Variants in USH2A observed in about 807,000 individuals in gnomAD.
The protein encoded by USH2A is Usher syndrome 2A (autosomal recessive, mild).
In USH2A, 443 loss-of-function variants were observed where a neutral mutation model predicts 538.9. The ratio of observed to expected loss-of-function variants is 0.82; its 90% CI spans 0.76 to 0.89. USH2A has a LOEUF of 0.89. Ranked by LOEUF, USH2A falls within the 40% of genes least tolerant of loss-of-function variation. USH2A has a pLI of 0.00. For synonymous variants in USH2A, 2,413 were observed against 2,273.5 expected (o/e 1.06, Z -1.75); for missense variants, 6,633 against 6,324.8 (o/e 1.05, Z -1.65).
chr1:216,401,246 T>C lies in USH2A; in HGVS notation c.651+17268A>G, dbSNP rs1337320711. Among the ~76,000 whole-genome samples the C allele has an allele frequency of 2.0e-5, 3 of 152,228 alleles. 1 individual carries two copies. Among genetic ancestry groups the C allele is most frequent in the South Asian group, 4.1e-4 (2 of 4,830 alleles). On this transcript the variant is annotated intron_variant, in intron 3 of 71. Coordinates refer to ENST00000307340, the MANE Select transcript of USH2A (RefSeq NM_206933.4). ...CATGTCAGTAGATAAGTGACTTACA[T>C]ATACTTTAATACCTAGAGCCACTAA...
At chr1:216,139,853 T>C (rs962133184) in intron 21 of USH2A, among the ~76,000 whole-genome samples, 1 of 152,206 alleles carries the variant, frequency 6.6e-6, no homozygotes, top group African/African-American at 2.4e-5. Flanking sequence ...ATATTTGTAT[T>C]GCCTCCATCT....
chr1:216,360,847 A>G (rs1217502137), intron 4 of USH2A, among the ~76,000 whole-genome samples: 2 of 152,140 alleles, frequency 1.3e-5, no homozygotes, highest in Admixed American at 6.6e-5. Flanking sequence ...GATACTTGAT[A>G]TTGTTCAGAT....
chr1:215,732,559 T>C (rs1660031405), intron 60 of USH2A, among the ~76,000 whole-genome samples: 1 of 130,872 alleles, frequency 7.6e-6, no homozygotes, highest in African/African-American at 2.9e-5. Flanking sequence ...TTTTTTTTTT[T>C]TTTTTTTTTT....
Position 215,798,915 on chromosome 1 carries a change from C to A in USH2A, c.9950G>T (p.Arg3317Leu). 6.2e-7 allele frequency: 1 copy of A among 1,614,014 alleles called. No homozygotes were observed. The highest frequency in any genetic ancestry group is 1.1e-5 in the South Asian group (1 of 91,074). The change falls in exon 50 of 72, where the codon CGC (arginine) becomes CTC (leucine). Residue 3317 changes from arginine to leucine, a missense_variant. Coordinates refer to ENST00000307340, the MANE Select transcript of USH2A (RefSeq NM_206933.4). ...CGGEEGVVYN[R>L]LPGMFCCGQD... ...AGACCTGGGCCCCTTACCTGGAAGG[C>A]GATTGTACACCACTCCTTCTTCTCC...
At chr1:216,367,983 G>C (rs1156458093) in intron 3 of USH2A, among the ~76,000 whole-genome samples, 1 of 152,164 alleles carries the variant, frequency 6.6e-6, no homozygotes, top group Admixed American at 6.5e-5. Context: ...ATGTTTATTG[G>C]TGTGTCTTGA....
chr1:215,706,688 T>C (rs746514513), intron 61 of USH2A, among the ~76,000 whole-genome samples: 38 of 152,206 alleles, frequency 2.5e-4, no homozygotes, highest in Non-Finnish European at 4.9e-4. Flanking sequence ...TATAATAGGA[T>C]TTAAATTTTC....
At chr1:215,896,334 T>A (rs1239041490) in intron 40 of USH2A, among the ~76,000 whole-genome samples, 1 of 152,104 alleles carries the variant, frequency 6.6e-6, no homozygotes, top group Non-Finnish European at 1.5e-5. Flanking sequence ...GGAAGTGATT[T>A]TTAGAAAATG....
At chr1:216,144,307 C>T (rs1402684025) in intron 21 of USH2A, among the ~76,000 whole-genome samples, 2 of 151,518 alleles carry the variant, frequency 1.3e-5, no homozygotes, top group Admixed American at 6.6e-5. Flanking sequence ...TTTTAACTAT[C>T]CCAGAACAAA....
chr1:216,257,032 A>C (rs1007597664), intron 11 of USH2A, among the ~76,000 whole-genome samples: 4 of 151,896 alleles, frequency 2.6e-5, no homozygotes, highest in Non-Finnish European at 2.9e-5. Context: ...CTATATTATT[A>C]TTATTTTTTA....
At chr1:215,836,134 T>C (rs1461008956) in intron 47 of USH2A, among the ~76,000 whole-genome samples, 2 of 151,890 alleles carry the variant, frequency 1.3e-5, no homozygotes, top group African/African-American at 4.8e-5. Flanking sequence ...TGTTACGTCA[T>C]TCACATGGGC....
At position 215,888,421 on chromosome 1, in the gene USH2A, C is replaced by G; in HGVS notation, c.8223+5G>C. 6.2e-7 allele frequency: 1 copy of G among 1,612,620 alleles called. No individual in the cohort carries two copies. The highest frequency in any genetic ancestry group is 8.5e-7 in the Non-Finnish European group (1 of 1,179,994). ...GCAAAGGAGAGAGAATAGTCAGTAT[C>G]TTACCTGGACTGCATCGGGTTCCAG... On this transcript the variant is annotated splice_donor_5th_base_variant and intron_variant, in intron 41 of 71. Coordinates refer to ENST00000307340, the MANE Select transcript of USH2A (RefSeq NM_206933.4).
intron 44 of USH2A, among the ~76,000 whole-genome samples, chr1:215,864,916 G>T (rs937027996): frequency 6.6e-6 from 1 of 151,772 alleles, no homozygotes; most frequent in Non-Finnish European, 1.5e-5. Context: ...ACATGGGGAG[G>T]GTCATAATAG....
At chr1:216,148,124 G>C (rs1232240516) in intron 21 of USH2A, among the ~76,000 whole-genome samples, 1 of 151,834 alleles carries the variant, frequency 6.6e-6, no homozygotes, top group African/African-American at 2.4e-5. Flanking sequence ...AATCAATACG[G>C]AGGCTACCCA....
At chr1:216,367,735 G>A (rs1288220213) in intron 3 of USH2A, among the ~76,000 whole-genome samples, 3 of 152,094 alleles carry the variant, frequency 2.0e-5, no homozygotes, top group Admixed American at 6.5e-5. Context: ...TCTGCACCAT[G>A]TTTTATGTTC....
intron 20 of USH2A, among the ~76,000 whole-genome samples, chr1:216,188,729 A>T (rs2034657361): frequency 6.6e-6 from 1 of 151,900 alleles, no homozygotes; most frequent in Non-Finnish European, 1.5e-5. Context: ...ACTTGGGGGA[A>T]TATTACAAAG....
At chr1:216,131,836 G>C (rs936940415) in intron 21 of USH2A, among the ~76,000 whole-genome samples, 2 of 151,972 alleles carry the variant, frequency 1.3e-5, no homozygotes, top group African/African-American at 2.4e-5. Flanking sequence ...ATTAATGATA[G>C]TAAATACTTA....
chr1:215,965,131 C>T (rs1667305970), intron 37 of USH2A, among the ~76,000 whole-genome samples, 186 bp downstream of exon 37: 1 of 152,118 alleles, frequency 6.6e-6, no homozygotes, highest in South Asian at 2.1e-4. Context: ...GTGGCTGTTG[C>T]TGCTGCTCTG....
At chr1:216,002,604 T>C (rs1439461919) in intron 32 of USH2A, among the ~76,000 whole-genome samples, 7 of 152,274 alleles carry the variant, frequency 4.6e-5, no homozygotes, top group South Asian at 2.1e-4. Context: ...CCACGTGACC[T>C]TGAAATATAT....
At chr1:216,236,907 A>C (rs767595178) in intron 13 of USH2A, among the ~76,000 whole-genome samples, 6 of 152,204 alleles carry the variant, frequency 3.9e-5, no homozygotes, top group Non-Finnish European at 8.8e-5. Context: ...GTGAATACCC[A>C]TGAAAGGCCC....
Sources: allele counts gnomAD v4.1 joint callset (sites outside exome capture counted in the v4.1 genomes callset), GRCh38; gene constraint gnomAD v4.1.1; transcripts MANE v1.5; gene names NCBI Gene and HGNC (gene_info 2026-07-23, HGNC 2026-07-21).